The following CNST variants were observed in gnomAD, a reference collection of about 807,000 sequenced individuals.
The protein encoded by CNST is consortin, connexin sorting protein, also known as consortin.
In CNST, 39 loss-of-function variants were observed where a neutral mutation model predicts 72.4. That is an observed-to-expected ratio of 0.54 (90% CI 0.42 to 0.70). The LOEUF (loss-of-function observed/expected upper bound fraction) is 0.70, where lower values mean the gene tolerates loss of function less well. CNST is among the 30% of genes least tolerant of loss of function. The probability of loss-of-function intolerance (pLI) is 0.00; values close to 1 mark genes in which losing one functional copy is unlikely to be tolerated. For synonymous variants in CNST, 332 were observed against 320.1 expected (o/e 1.04, Z -0.40); for missense variants, 871 against 868.5 (o/e 1.00, Z -0.04).
chr1:246,657,848 T>C (rs893881782), intron 9 of CNST, among the ~76,000 whole-genome samples: 1 of 152,234 alleles, frequency 6.6e-6, no homozygotes, highest in African/African-American at 2.4e-5. Context: ...CTATTTGCAT[T>C]GTCTTTTGAT....
intron 6 of CNST, among the ~76,000 whole-genome samples, chr1:246,640,782 G>C (rs1216285702): frequency 3.9e-5 from 6 of 152,036 alleles, no homozygotes; most frequent in Non-Finnish European, 8.8e-5. Context: ...GTGTCTTTAT[G>C]CTTCAAAATT....
intron 1 of CNST, among the ~76,000 whole-genome samples, chr1:246,585,874 GTT>G (rs1290016336): frequency 4.6e-5 from 7 of 151,880 alleles, no homozygotes; most frequent in Non-Finnish European, 8.8e-5. Flanking sequence ...GAGGCCAAGA[GTT>G]TGAGACCAGC....
At chr1:246,570,435 C>T (rs1446467923) in intron 1 of CNST, among the ~76,000 whole-genome samples, 2 of 152,150 alleles carry the variant, frequency 1.3e-5, no homozygotes, top group African/African-American at 4.8e-5. Context: ...GCTAAATTAG[C>T]CTGAAGGCCT....
intron 1 of CNST, among the ~76,000 whole-genome samples, chr1:246,577,505 A>G (rs1660506941): frequency 1.3e-5 from 2 of 152,076 alleles, no homozygotes; most frequent in South Asian, 4.1e-4. Flanking sequence ...TTTACCTTTA[A>G]AATTCCAGGA....
chr1:246,601,775 C>G (rs1029274934), intron 2 of CNST, among the ~76,000 whole-genome samples: 1 of 151,990 alleles, frequency 6.6e-6, no homozygotes, highest in African/African-American at 2.4e-5. Context: ...GCCTGGGCAA[C>G]AAGAGCGAAA....
intron 1 of CNST, among the ~76,000 whole-genome samples, chr1:246,578,447 C>T (rs111839028): frequency 1.3e-5 from 2 of 151,892 alleles, no homozygotes; most frequent in South Asian, 4.2e-4. Context: ...CTGAGGTGGG[C>T]GGATCATGAG....
chr1:246,654,543 C>T (rs1241166049), intron 9 of CNST, among the ~76,000 whole-genome samples: 3 of 152,354 alleles, frequency 2.0e-5, no homozygotes, highest in South Asian at 4.1e-4. Context: ...TGTAATCTCT[C>T]TCTGTTATCG....
At chr1:246,570,984 T>A (rs1660034066) in intron 1 of CNST, among the ~76,000 whole-genome samples, 2 of 152,232 alleles carry the variant, frequency 1.3e-5, no homozygotes, top group African/African-American at 2.4e-5. Flanking sequence ...TTCACATGAA[T>A]ACAGGCTTTC....
intron 2 of CNST, among the ~76,000 whole-genome samples, chr1:246,614,158 A>G (rs1321119679): frequency 6.6e-6 from 1 of 152,188 alleles, no homozygotes; most frequent in Non-Finnish European, 1.5e-5. Flanking sequence ...TCGCATATAT[A>G]TAGTGAGATA....
At chr1:246,624,584 A>C (rs1664301521) in intron 3 of CNST, among the ~76,000 whole-genome samples, 1 of 152,244 alleles carries the variant, frequency 6.6e-6, no homozygotes, top group African/African-American at 2.4e-5. Context: ...CTGAGACGTC[A>C]GGGTGACAAG....
At chr1:246,633,616 G>A (rs1473054294) in intron 4 of CNST, among the ~76,000 whole-genome samples, 2 of 151,780 alleles carry the variant, frequency 1.3e-5, no homozygotes, top group African/African-American at 2.4e-5. Context: ...AGTGGTAGGC[G>A]CCTGTAGTCT....
At chr1:246,605,669 C>T (rs78109653) in intron 2 of CNST, among the ~76,000 whole-genome samples, 2 of 131,664 alleles carry the variant, frequency 1.5e-5, no homozygotes, top group African/African-American at 3.0e-5. Context: ...GGCCGGGGTG[C>T]GTGTCTTCCG....
chr1:246,576,713 C>CT (rs1448610734), intron 1 of CNST, among the ~76,000 whole-genome samples: 2 of 151,888 alleles, frequency 1.3e-5, no homozygotes, highest in Non-Finnish European at 2.9e-5. Context: ...AGGTTGGTCT[C>CT]TAACTCCTGA....
intron 9 of CNST, among the ~76,000 whole-genome samples, chr1:246,651,612 T>C (rs1666451381): frequency 6.6e-6 from 1 of 152,218 alleles, no homozygotes; most frequent in Non-Finnish European, 1.5e-5. Flanking sequence ...GAACTAAAAA[T>C]GTCTATACTA....
intron 9 of CNST, among the ~76,000 whole-genome samples, chr1:246,651,474 C>T (rs758347352): frequency 3.3e-5 from 5 of 152,194 alleles, no homozygotes; most frequent in Non-Finnish European, 7.3e-5. Flanking sequence ...CATTGCCCAG[C>T]CTTGGCTCCA....
At chr1:246,573,644 C>G (rs1338953602) in intron 1 of CNST, among the ~76,000 whole-genome samples, 1 of 152,166 alleles carries the variant, frequency 6.6e-6, no homozygotes, top group African/African-American at 2.4e-5. Context: ...GGCTTGCCTT[C>G]CCTGAAGCCT....
rs12091148 is a variant in CNST at position 246,621,597 on chromosome 1, A to T, written c.548A>T (p.Gln183Leu). 2 of 1,614,156 alleles carry T rather than the reference A, an allele frequency of 1.2e-6. No homozygotes were observed. The highest frequency in any genetic ancestry group is 4.5e-5 in the East Asian group (2 of 44,886). ...LFSLIRGEVE[Q>L]LDSRALPLCL... ...TCACTTATACGAGGTGAAGTTGAGC[A>T]GTTGGATTCAAGAGCACTTCCCCTT... Residue 183 changes from glutamine to leucine, a missense_variant, in exon 3 of 11, where the codon CAG becomes CTG. Transcript: ENST00000366513.
At chr1:246,633,822 T>C in intron 4 of CNST, 102 bp from the exon 5 acceptor site, 1 of 698,636 alleles carries the variant, frequency 1.4e-6, no homozygotes, top group Non-Finnish European at 2.5e-6. Flanking sequence ...TCTCATGTTT[T>C]AGTAAGCTGC....
chr1:246,607,662 C>T (rs558821837), intron 2 of CNST: 1 of 90,562 alleles, frequency 1.1e-5, no homozygotes, highest in Non-Finnish European at 2.1e-5. Context: ...TGGCCTCTCT[C>T]TCGATCCTCA....
Sources: gnomAD v4.1 joint callset for allele counts (sites outside exome capture counted in the v4.1 genomes callset) on GRCh38, gnomAD v4.1.1 for gene constraint, MANE v1.5 for transcripts, NCBI Gene and HGNC (gene_info 2026-07-23, HGNC 2026-07-21) for gene names.